SH3RF1: variants seen among roughly 807,000 people sequenced by gnomAD.
SH3RF1 encodes E3 ubiquitin-protein ligase SH3RF1.
In SH3RF1, 32 loss-of-function variants were observed where a neutral mutation model predicts 74.0. The observed-to-expected ratio is 0.43, with a 90% CI of 0.33 to 0.58. The LOEUF is 0.58. Among genes scored for constraint, SH3RF1 ranks in the 20% least tolerant of loss-of-function variants. The pLI is 0.05. For missense variants in SH3RF1, 954 were observed against 1,130.9 expected, an observed-to-expected ratio of 0.84 and a Z score of 2.24; for synonymous variants, 396 against 439.6, an observed-to-expected ratio of 0.90 and a Z score of 1.24.
rs1180442789 is a variant in SH3RF1, at chr4:169,112,662, C to T, written c.2139+3607G>A. 5.9e-5 allele frequency among the ~76,000 whole-genome samples: 9 copies of T among 151,794 alleles called. No individual in the cohort carries two copies. In the South Asian group the frequency reaches 8.3e-4, roughly 14 times the overall value. On this transcript the variant is annotated intron_variant, in intron 10 of 11. Coordinates refer to ENST00000284637, the MANE Select transcript of SH3RF1 (RefSeq NM_020870.4). ...TAATGGCTCAAATTTTTAAAGGGCA[C>T]GTACAAAAAGATCAAGAGAAGAGCC...
chr4:169,249,159 C>T (rs976302199), intron 2 of SH3RF1, among the ~76,000 whole-genome samples: 7 of 152,018 alleles, frequency 4.6e-5, no homozygotes, highest in Admixed American at 6.6e-5. Flanking sequence ...ACCCGGGAGG[C>T]GGAGCTTGCA....
At chr4:169,136,011 T>C (rs371170972) in intron 5 of SH3RF1, among the ~76,000 whole-genome samples, 3 of 152,302 alleles carry the variant, frequency 2.0e-5, no homozygotes, top group South Asian at 2.1e-4. Flanking sequence ...AGCAGTACTG[T>C]GAGAAAGTTC....
At chr4:169,166,860 CA>C in intron 2 of SH3RF1, 1 of 301,216 alleles carries the variant, frequency 3.3e-6, no homozygotes, top group Non-Finnish European at 6.3e-6. Flanking sequence ...CCACCTCAAC[CA>C]AAATTGGTAT....
At chr4:169,204,734 A>T (rs1029930396) in intron 2 of SH3RF1, among the ~76,000 whole-genome samples, 1 of 151,940 alleles carries the variant, frequency 6.6e-6, no homozygotes, top group African/African-American at 2.4e-5. Context: ...GTATTTTAGT[A>T]GAGACGGGGT....
chr4:169,168,579 G>A (rs1216962971), intron 2 of SH3RF1, among the ~76,000 whole-genome samples: 4 of 152,252 alleles, frequency 2.6e-5, no homozygotes, highest in African/African-American at 9.6e-5. Flanking sequence ...ATTGGAACTC[G>A]CTGAATAAAA....
chr4:169,255,614 T>TACACACACACAC (rs1192993515), intron 2 of SH3RF1, among the ~76,000 whole-genome samples: 2 of 59,078 alleles, frequency 3.4e-5, no homozygotes, highest in Non-Finnish European at 7.6e-5. Context: ...CACACATACA[T>TACACACACACAC]ACACACATAC....
intron 2 of SH3RF1, among the ~76,000 whole-genome samples, chr4:169,178,269 A>T (rs1414723411): frequency 3.1e-5 from 2 of 64,662 alleles, no homozygotes; most frequent in Admixed American, 1.6e-4. Context: ...ACAAAAAAAA[A>T]AAATTTTTTT....
At chr4:169,132,802 A>C (rs918843697) in intron 5 of SH3RF1, among the ~76,000 whole-genome samples, 8 of 152,146 alleles carry the variant, frequency 5.3e-5, no homozygotes, top group Non-Finnish European at 1.0e-4. Flanking sequence ...GGAGGCCAAA[A>C]AATATCCTAA....
intron 2 of SH3RF1, among the ~76,000 whole-genome samples, chr4:169,232,101 C>T (rs759718427): frequency 2.0e-5 from 3 of 152,148 alleles, no homozygotes; most frequent in Non-Finnish European, 4.4e-5. Flanking sequence ...CAGGAACTGG[C>T]TTAGAGCATT....
chr4:169,106,790 C>T lies in SH3RF1; in HGVS notation c.2498+57G>A, dbSNP rs941002708. 10 of 1,325,166 alleles carry T rather than the reference C, an allele frequency of 7.5e-6. No individual in the cohort carries two copies. The African/African-American group carries it at 1.2e-4, about 16-fold the overall frequency. The allele number at this position is 1,325,166 out of a possible 1,614,324, so 82.1% of individuals were successfully genotyped here. On this transcript the variant is annotated intron_variant, in intron 11 of 11. Transcript: ENST00000284637. ...CATCTTAAATATCACAATAATGTTC[C>T]AGCCTAAAGCCTATTGTTCATTTTT... is the stretch of plus-strand genomic sequence containing the variant.
rs557257409 is a variant in SH3RF1 at position 169,182,010 on chromosome 4, T to C, written c.394-25331A>G. On this transcript the variant is annotated intron_variant, in intron 2 of 11. Coordinates refer to ENST00000284637, the MANE Select transcript of SH3RF1 (RefSeq NM_020870.4). Reference sequence around the variant, plus strand: ...ACCATATTTGTTTTATTTACTGCTGTATCTTCAGGGTCTGGAGCTATGCCC... The same window carrying C: ...ACCATATTTGTTTTATTTACTGCTGCATCTTCAGGGTCTGGAGCTATGCCC... Among the ~76,000 whole-genome samples, 3 of 152,350 alleles carry C rather than the reference T, an allele frequency of 2.0e-5. No homozygotes were observed. In the East Asian group the frequency reaches 5.8e-4, roughly 29 times the overall value.
chr4:169,141,745 C>T (rs1733789942), intron 4 of SH3RF1, among the ~76,000 whole-genome samples: 1 of 150,482 alleles, frequency 6.6e-6, no homozygotes, highest in African/African-American at 2.4e-5. Flanking sequence ...TCAAGTGATT[C>T]TCCTGCCTCA....
At chr4:169,165,726 A>G (rs1424342420) in intron 2 of SH3RF1, among the ~76,000 whole-genome samples, 2 of 152,162 alleles carry the variant, frequency 1.3e-5, no homozygotes, top group African/African-American at 4.8e-5. Context: ...TGGAGAGAGG[A>G]TGCTCATATA....
intron 2 of SH3RF1, among the ~76,000 whole-genome samples, chr4:169,161,627 T>C (rs1414641463): frequency 6.6e-6 from 1 of 152,206 alleles, no homozygotes; most frequent in Admixed American, 6.5e-5. Context: ...TTCATGCATT[T>C]CTTACTGCTC....
At chr4:169,164,378 C>T (rs539188224) in intron 2 of SH3RF1, among the ~76,000 whole-genome samples, 1 of 152,302 alleles carries the variant, frequency 6.6e-6, no homozygotes, top group South Asian at 2.1e-4. Flanking sequence ...GATGATTCTA[C>T]TGACAGGCTC....
intron 2 of SH3RF1, among the ~76,000 whole-genome samples, chr4:169,192,947 C>T (rs1409698870): frequency 2.0e-5 from 3 of 149,320 alleles, no homozygotes; most frequent in African/African-American, 7.3e-5. Flanking sequence ...TGGAATACTA[C>T]TCAGCCATAA....
chr4:169,232,924 T>C (rs557221447), intron 2 of SH3RF1, among the ~76,000 whole-genome samples: 11 of 152,258 alleles, frequency 7.2e-5, no homozygotes, highest in Non-Finnish European at 1.3e-4. Flanking sequence ...TGGTTGTAAA[T>C]ATCAAGCCTT....
At chr4:169,117,366 C>A (rs570083269) in intron 9 of SH3RF1, among the ~76,000 whole-genome samples, 157 bp downstream of exon 9, 16 of 152,222 alleles carry the variant, frequency 1.1e-4, no homozygotes, top group Admixed American at 6.5e-4. Context: ...CACGCTTAGC[C>A]CAAATAAGCA....
At chr4:169,105,892 A>T (rs953821507) in intron 11 of SH3RF1, among the ~76,000 whole-genome samples, 1 of 152,200 alleles carries the variant, frequency 6.6e-6, no homozygotes, top group African/African-American at 2.4e-5. Flanking sequence ...TCTCAAAAAA[A>T]GAAGAGAGTT....
Sources: gnomAD v4.1 joint callset for allele counts (sites outside exome capture counted in the v4.1 genomes callset) on GRCh38, gnomAD v4.1.1 for gene constraint, MANE v1.5 for transcripts, NCBI Gene and HGNC (gene_info 2026-07-23, HGNC 2026-07-21) for gene names.